POGLUT1: variants seen among roughly 807,000 people sequenced by gnomAD.
POGLUT1 encodes protein O-glucosyltransferase 1.
POGLUT1 carries 32 observed loss-of-function variants against 61.3 expected under a neutral mutation model. The observed-to-expected ratio is 0.52, with a 90% CI of 0.39 to 0.70. POGLUT1 has a LOEUF of 0.70. Ranked by LOEUF, POGLUT1 falls within the 30% of genes least tolerant of loss-of-function variation. The pLI is 0.00. For synonymous variants in POGLUT1, 158 were observed against 158.2 expected (o/e 1.00, Z 0.01); for missense variants, 411 against 469.8 (o/e 0.87, Z 1.16).
chr3:119,481,420 G>A (rs1196426487), intron 5 of POGLUT1, among the ~76,000 whole-genome samples: 1 of 152,138 alleles, frequency 6.6e-6, no homozygotes, highest in Non-Finnish European at 1.5e-5. Context: ...CGGAAACACA[G>A]TCATTATAGG....
chr3:119,474,845 A>C (rs1178254785), intron 3 of POGLUT1, among the ~76,000 whole-genome samples: 1 of 152,228 alleles, frequency 6.6e-6, no homozygotes, highest in East Asian at 1.9e-4. Flanking sequence ...ATCTCAAAAA[A>C]TAAAAATTAA....
intron 5 of POGLUT1, 80 bp downstream of exon 5, chr3:119,480,252 C>A: frequency 2.1e-6 from 2 of 940,636 alleles, no homozygotes; most frequent in African/African-American, 1.8e-5. Context: ...CAATTATTTA[C>A]TTTTTTTTTT....
intron 5 of POGLUT1, among the ~76,000 whole-genome samples, chr3:119,484,490 C>G (rs2081643057): frequency 6.6e-6 from 1 of 152,200 alleles, no homozygotes; most frequent in Non-Finnish European, 1.5e-5. Context: ...GTACTGAGAT[C>G]TGACTTTCAA....
intron 5 of POGLUT1, among the ~76,000 whole-genome samples, chr3:119,480,435 A>G (rs947424879): frequency 6.6e-6 from 1 of 151,670 alleles, no homozygotes; most frequent in African/African-American, 2.4e-5. Flanking sequence ...TTTAGTAGAG[A>G]CGGGGTGTCT....
Position 119,490,645 on chromosome 3 carries a change from C to T in POGLUT1, c.892C>T (p.Leu298=), listed in dbSNP as rs1373698474. ...SLVFHVGDEW[L]EFFYPQLKPW... is the part of the protein sequence containing the mutation. ...TGTTTTCCATGTTGGTGATGAGTGGCTAGAATTCTTCTATCCACAGCTGAA... is the reference window on the plus strand; with the variant it reads ...TGTTTTCCATGTTGGTGATGAGTGGTTAGAATTCTTCTATCCACAGCTGAA... Residue 298 remains leucine, a synonymous_variant, in exon 9 of 11, where the codon CTA becomes TTA. Transcript: ENST00000295588. 1.2e-6 allele frequency: 2 copies of T among 1,613,440 alleles called. No individual in the cohort carries two copies. Among genetic ancestry groups the T allele is most frequent in the Admixed American group, 3.3e-5 (2 of 60,014 alleles).
rs1359349310 is a variant in POGLUT1 at position 119,492,345 on chromosome 3, CTT to C, written c.1087_1088del (p.Leu363GlufsTer2). On this transcript the variant is annotated frameshift_variant, in exon 11 of 11. Coordinates refer to ENST00000295588, the MANE Select transcript of POGLUT1 (RefSeq NM_152305.3). LOFTEE classifies it high-confidence loss of function. ...ACATCACCTGTTACTGGGAGAACCT[CTT>C]GAGTGAATACTCTAAATTCCTGTCT... ...DDITCYWENL[L>X]SEYSKFLSYN... 2.5e-6 allele frequency: 4 copies of C among 1,609,760 alleles called. No homozygotes were observed. Among genetic ancestry groups the C allele is most frequent in the East Asian group, 2.2e-5 (1 of 44,746 alleles).
intron 7 of POGLUT1, among the ~76,000 whole-genome samples, chr3:119,487,722 T>A (rs532433119): frequency 2.8e-4 from 42 of 152,238 alleles, no homozygotes; most frequent in African/African-American, 9.9e-4. Context: ...AATGTAAAAA[T>A]TTCTTAGTCC....
At chr3:119,490,410 T>G (rs911960730) in intron 8 of POGLUT1, 141 bp from the exon 9 acceptor site, 2 of 723,242 alleles carry the variant, frequency 2.8e-6, no homozygotes, top group Non-Finnish European at 4.7e-6. Flanking sequence ...AACATATTAA[T>G]GTGTCCTTGA....
At chr3:119,479,079 A>AT (rs550203949) in intron 4 of POGLUT1, among the ~76,000 whole-genome samples, 76 of 152,074 alleles carry the variant, frequency 5.0e-4, no homozygotes, top group Non-Finnish European at 9.4e-4. Flanking sequence ...ACCTGCCACC[A>AT]TGCCCGGCTA....
rs1202863252 is a variant in POGLUT1 at position 119,471,455 on chromosome 3, A to G, written c.320+3A>G. The stretch of plus-strand genomic sequence containing the variant: ...AATGACTGCATGTTCCCCTCAAGGT[A>G]AGAGTTAACGAGGTAGATATATCTT... On this transcript the variant is annotated splice_donor_region_variant and intron_variant, in intron 3 of 10. Transcript: ENST00000295588. The G allele has an allele frequency of 6.2e-7, 1 of 1,613,360 alleles. No individual in the cohort carries two copies. The highest frequency in any genetic ancestry group is 8.5e-7 in the Non-Finnish European group (1 of 1,179,528).
intron 4 of POGLUT1, among the ~76,000 whole-genome samples, chr3:119,478,794 A>G (rs2081570772): frequency 6.6e-6 from 1 of 151,920 alleles, no homozygotes; most frequent in African/African-American, 2.4e-5. Context: ...CCAGATTTTT[A>G]ACAGAAGTAA....
rs905335304 is a variant in POGLUT1 at position 119,492,303 on chromosome 3, C to A, written c.1044C>A (p.Asn348Lys). The change falls in exon 11 of 11, where the codon AAC (asparagine) becomes AAA (lysine). Residue 348 changes from asparagine (N) to lysine (K), a missense_variant. By Grantham distance (94) the Asn-to-Lys change is moderately conservative (BLOSUM62 0). Transcript: ENST00000295588. ...IAERGSQFIR[N>K]HLQMDDITCY... ...CTAGGGGAAGCCAGTTTATTAGGAA[C>A]CATTTGCAGATGGATGACATCACCT... 6.2e-7 allele frequency: 1 copy of A among 1,606,026 alleles called. No homozygotes were observed. Among genetic ancestry groups the A allele is most frequent in the Non-Finnish European group, 8.5e-7 (1 of 1,176,446 alleles).
chr3:119,489,699 G>C (rs996334240), intron 8 of POGLUT1: 1 of 152,122 alleles, frequency 6.6e-6, no homozygotes, highest in African/African-American at 2.4e-5. Context: ...TCTACACCAG[G>C]GGTCCCCAAC....
intron 3 of POGLUT1, among the ~76,000 whole-genome samples, chr3:119,474,315 C>T (rs1037365778): frequency 2.0e-5 from 3 of 152,060 alleles, no homozygotes; most frequent in Non-Finnish European, 2.9e-5. Context: ...AAAAATAAAA[C>T]CTACAGTGTA....
chr3:119,486,882 A>G lies in POGLUT1; in HGVS notation c.688A>G (p.Lys230Glu). The change falls in exon 7 of 11, where the codon AAA becomes GAA. Residue 230 changes from lysine (K) to glutamate (E), a missense_variant. Lys to Glu is a moderately conservative substitution (Grantham distance 56). Coordinates refer to ENST00000295588, the MANE Select transcript of POGLUT1 (RefSeq NM_152305.3). The stretch of plus-strand genomic sequence containing the variant: ...CATTCTTCTGTCTCGGAAAAACCCA[A>G]AACTTGTTGATGCAGAATACACCAA... ...PLILLSRKNP[K>E]LVDAEYTKNQ... 1 of 1,614,008 alleles carries G rather than the reference A, an allele frequency of 6.2e-7. No homozygotes were observed. Among genetic ancestry groups the G allele is most frequent in the Non-Finnish European group, 8.5e-7 (1 of 1,179,866 alleles).
At chr3:119,472,492 G>A (rs1238980937) in intron 3 of POGLUT1, among the ~76,000 whole-genome samples, 2 of 152,040 alleles carry the variant, frequency 1.3e-5, no homozygotes, top group South Asian at 4.1e-4. Flanking sequence ...TGAGATGAGC[G>A]GATCACTTGA....
intron 10 of POGLUT1, 59 bp from the exon 11 acceptor site, chr3:119,492,223 G>C (rs573967150): frequency 3.2e-5 from 41 of 1,270,632 alleles, no homozygotes; most frequent in Non-Finnish European, 4.5e-5. Context: ...CTCAAATGCA[G>C]ACTGCTATTA....
At chr3:119,472,704 G>A (rs908851449) in intron 3 of POGLUT1, among the ~76,000 whole-genome samples, 4 of 144,212 alleles carry the variant, frequency 2.8e-5, no homozygotes, top group South Asian at 2.2e-4. Context: ...AAACAAGAGC[G>A]AAACTGTCTA....
intron 3 of POGLUT1, among the ~76,000 whole-genome samples, chr3:119,472,233 A>C (rs1413986176): frequency 2.0e-5 from 3 of 151,768 alleles, no homozygotes; most frequent in Non-Finnish European, 4.4e-5. Flanking sequence ...TCTTTATAAA[A>C]TTAGAAGGTA....
Sources: gnomAD v4.1 joint callset for allele counts (sites outside exome capture counted in the v4.1 genomes callset) on GRCh38, gnomAD v4.1.1 for gene constraint, MANE v1.5 for transcripts, NCBI Gene and HGNC (gene_info 2026-07-23, HGNC 2026-07-21) for gene names.